Variants in NTM observed in about 807,000 individuals in gnomAD.
NTM encodes neurotrimin.
A neutral mutation model predicts 42.1 loss-of-function variants in NTM; 13 were observed. The observed-to-expected ratio is 0.31, with a 90% CI of 0.20 to 0.49. NTM has a LOEUF of 0.49. Ranked by LOEUF, NTM falls within the 20% of genes least tolerant of loss-of-function variation. The probability of loss-of-function intolerance (pLI) is 0.99; values close to 1 mark genes in which losing one functional copy is unlikely to be tolerated. For missense variants in NTM, 373 were observed against 452.8 expected, an observed-to-expected ratio of 0.82 and a Z score of 1.60; for synonymous variants, 187 against 179.2, an observed-to-expected ratio of 1.04 and a Z score of -0.35.
intron 2 of NTM, among the ~76,000 whole-genome samples, chr11:132,075,164 G>T (rs1464419307): frequency 2.0e-5 from 3 of 152,128 alleles, no homozygotes; most frequent in Admixed American, 1.3e-4. Context: ...AGAGTGGAAT[G>T]ATGGTCACCA....
chr11:131,522,229 T>C (rs1591923967), intron 1 of NTM, among the ~76,000 whole-genome samples: 1 of 152,264 alleles, frequency 6.6e-6, no homozygotes, highest in South Asian at 2.1e-4. Context: ...CTTGGGACCA[T>C]TGATTACTGC....
chr11:132,107,060 C>T (rs973770660), intron 2 of NTM, among the ~76,000 whole-genome samples: 4 of 152,012 alleles, frequency 2.6e-5, no homozygotes, highest in Non-Finnish European at 5.9e-5. Flanking sequence ...AGACATATGC[C>T]TTTTTTCATT....
At chr11:131,879,448 A>T (rs1368545877) in intron 1 of NTM, among the ~76,000 whole-genome samples, 1 of 152,170 alleles carries the variant, frequency 6.6e-6, no homozygotes, top group African/African-American at 2.4e-5. Flanking sequence ...CTTAATGATG[A>T]CAGCCCCACT....
intron 1 of NTM, among the ~76,000 whole-genome samples, chr11:131,572,115 A>G (rs1436481220): frequency 6.6e-6 from 1 of 152,186 alleles, no homozygotes; most frequent in African/African-American, 2.4e-5. Flanking sequence ...CTGGTGGGTC[A>G]GTGTGTAGCC....
At chr11:131,580,136 G>A (rs138374652) in intron 1 of NTM, among the ~76,000 whole-genome samples, 17 of 152,172 alleles carry the variant, frequency 1.1e-4, no homozygotes, top group East Asian at 7.7e-4. Flanking sequence ...CTCATCGGCC[G>A]CCATCTGTCT....
At chr11:132,076,898 T>G (rs1462864219) in intron 2 of NTM, among the ~76,000 whole-genome samples, 2 of 152,186 alleles carry the variant, frequency 1.3e-5, no homozygotes. Context: ...ATCTCTTTAT[T>G]GTGTCTCATG....
chr11:131,739,521 C>T (rs916888321), intron 1 of NTM, among the ~76,000 whole-genome samples: 1 of 152,178 alleles, frequency 6.6e-6, no homozygotes, highest in Non-Finnish European at 1.5e-5. Flanking sequence ...GCAAGCCTCT[C>T]CTCACCCCAC....
At chr11:131,399,118 C>T (rs1030784438) in intron 1 of NTM, among the ~76,000 whole-genome samples, 2 of 152,122 alleles carry the variant, frequency 1.3e-5, no homozygotes, top group African/African-American at 4.8e-5. Flanking sequence ...CCCTAAATCC[C>T]TTTTAAAACT....
chr11:131,482,942 G>A (rs976690111), intron 1 of NTM, among the ~76,000 whole-genome samples: 1 of 152,218 alleles, frequency 6.6e-6, no homozygotes, highest in Non-Finnish European at 1.5e-5. Flanking sequence ...GTATGTGAGA[G>A]AAGAAGCACA....
At chr11:131,773,969 T>C (rs1591750236) in intron 1 of NTM, 7 of 979,142 alleles carry the variant, frequency 7.1e-6, no homozygotes, top group Non-Finnish European at 8.5e-6. Context: ...AATCCAATAG[T>C]GTTAAGGACC....
chr11:131,884,711 C>A (rs1168235574), intron 1 of NTM, among the ~76,000 whole-genome samples: 8 of 152,106 alleles, frequency 5.3e-5, no homozygotes, highest in African/African-American at 1.9e-4. Flanking sequence ...GGGGGCCATT[C>A]GGGAAGAGGC....
At chr11:131,385,594 T>G (rs1943219490) in intron 1 of NTM, among the ~76,000 whole-genome samples, 1 of 152,218 alleles carries the variant, frequency 6.6e-6, no homozygotes, top group South Asian at 2.1e-4. Flanking sequence ...GGTTCCTGCC[T>G]ATAGTCCTAG....
At chr11:131,484,486 C>T (rs956991) in intron 1 of NTM, among the ~76,000 whole-genome samples, 9,395 of 152,188 alleles carry the variant, frequency 0.062, 936 homozygotes, top group African/African-American at 0.21. Flanking sequence ...AGCGCTGCTT[C>T]GGGCAGCACA....
At chr11:131,527,125 T>C (rs1447190032) in intron 1 of NTM, among the ~76,000 whole-genome samples, 1 of 152,210 alleles carries the variant, frequency 6.6e-6, no homozygotes, top group Non-Finnish European at 1.5e-5. Context: ...CTGTGTCTGA[T>C]GTACCTATGT....
At chr11:132,053,716 A>C (rs1242530813) in intron 2 of NTM, among the ~76,000 whole-genome samples, 3 of 152,184 alleles carry the variant, frequency 2.0e-5, no homozygotes, top group Non-Finnish European at 4.4e-5. Flanking sequence ...CAAATACTCA[A>C]ATAGAGGATT....
intron 7 of NTM, among the ~76,000 whole-genome samples, chr11:132,320,260 G>C (rs1466576821): frequency 6.6e-6 from 1 of 152,236 alleles, no homozygotes; most frequent in Admixed American, 6.5e-5. Flanking sequence ...TTCCATCTGA[G>C]GTACTGGGTT....
chr11:131,517,527 A>C (rs915062911), intron 1 of NTM, among the ~76,000 whole-genome samples: 1 of 152,178 alleles, frequency 6.6e-6, no homozygotes, highest in Non-Finnish European at 1.5e-5. Flanking sequence ...TTACTTGTCA[A>C]ATCCTGTGTC....
intron 3 of NTM, among the ~76,000 whole-genome samples, chr11:132,170,975 G>T (rs933337705): frequency 2.0e-5 from 3 of 152,096 alleles, no homozygotes; most frequent in African/African-American, 7.2e-5. Flanking sequence ...ACCTGCATTT[G>T]TCTTTGTACT....
chr11:131,682,534 T>G (rs899771275), intron 1 of NTM, among the ~76,000 whole-genome samples: 1 of 152,214 alleles, frequency 6.6e-6, no homozygotes, highest in African/African-American at 2.4e-5. Flanking sequence ...TCTGCCAGCC[T>G]GCTCAGGACT....
Sources: allele counts gnomAD v4.1 joint callset (sites outside exome capture counted in the v4.1 genomes callset), GRCh38; gene constraint gnomAD v4.1.1; transcripts MANE v1.5; gene names NCBI Gene and HGNC (gene_info 2026-07-23, HGNC 2026-07-21).